The following PARN variants were observed in gnomAD, a reference collection of about 807,000 sequenced individuals.
The protein encoded by PARN is poly(A)-specific ribonuclease, also known as poly(A)-specific ribonuclease PARN.
Under a neutral mutation model 102.8 loss-of-function variants are expected in PARN, and 71 were observed. The ratio of observed to expected loss-of-function variants is 0.69; its 90% CI spans 0.57 to 0.84. The LOEUF is 0.84. PARN is among the 40% of genes least tolerant of loss of function. The pLI is 0.00. For synonymous variants in PARN, 261 were observed against 252.9 expected (o/e 1.03, Z -0.30); for missense variants, 782 against 760.9 (o/e 1.03, Z -0.33).
At chr16:14,630,048 C>G in intron 1 of PARN, 59 bp downstream of exon 1, 1 of 1,482,436 alleles carries the variant, frequency 6.7e-7, no homozygotes, top group Non-Finnish European at 9.2e-7. Context: ...TGGTCTCGGC[C>G]TAGCAGGCCA....
At chr16:14,562,711 T>TG (rs1180372308) in intron 18 of PARN, among the ~76,000 whole-genome samples, 1 of 151,190 alleles carries the variant, frequency 6.6e-6, no homozygotes, top group Non-Finnish European at 1.5e-5. Flanking sequence ...AAGTCTAACC[T>TG]GTTTCTGTGA....
At chr16:14,599,037 C>CTTTTTTTTT (rs71150194) in intron 12 of PARN, among the ~76,000 whole-genome samples, 1 of 81,462 alleles carries the variant, frequency 1.2e-5, no homozygotes, top group Non-Finnish European at 2.3e-5. Flanking sequence ...TTCTCCTCTT[C>CTTTTTTTTT]TTTTTTTTTT....
At chr16:14,627,985 G>A (rs1189544844) in intron 3 of PARN, among the ~76,000 whole-genome samples, 187 bp downstream of exon 3, 1 of 152,110 alleles carries the variant, frequency 6.6e-6, no homozygotes. Flanking sequence ...CCCAGCCTGG[G>A]TGACAGAGCG....
chr16:14,621,012 G>T (rs960724548), intron 5 of PARN, among the ~76,000 whole-genome samples: 1 of 152,094 alleles, frequency 6.6e-6, no homozygotes, highest in Non-Finnish European at 1.5e-5. Context: ...GAAATGGTGA[G>T]ATATAAAAAG....
At chr16:14,450,597 C>T (rs942185371) in intron 22 of PARN, among the ~76,000 whole-genome samples, 3 of 151,850 alleles carry the variant, frequency 2.0e-5, no homozygotes, top group African/African-American at 7.3e-5. Context: ...CACAAAATTC[C>T]CAGCTCTGTC....
intron 21 of PARN, among the ~76,000 whole-genome samples, chr16:14,515,165 T>C (rs895774007): frequency 2.0e-5 from 3 of 152,178 alleles, no homozygotes; most frequent in Non-Finnish European, 4.4e-5. Flanking sequence ...GCCTTTGAGA[T>C]GGGATCTTGC....
chr16:14,485,698 T>G (rs1963636885), intron 21 of PARN, among the ~76,000 whole-genome samples: 1 of 152,122 alleles, frequency 6.6e-6, no homozygotes, highest in South Asian at 2.1e-4. Flanking sequence ...ATTAATATAT[T>G]TATTTATTTG....
intron 21 of PARN, among the ~76,000 whole-genome samples, chr16:14,531,999 G>A (rs1966362645): frequency 6.6e-6 from 1 of 151,926 alleles, no homozygotes; most frequent in African/African-American, 2.4e-5. Flanking sequence ...GGAGTTCGAG[G>A]CTGCAGTGAG....
At chr16:14,600,192 C>G (rs1003822867) in intron 11 of PARN, among the ~76,000 whole-genome samples, 3 of 152,102 alleles carry the variant, frequency 2.0e-5, no homozygotes, top group Non-Finnish European at 4.4e-5. Flanking sequence ...TCATTAGTTA[C>G]TAAAAGAACA....
Position 14,536,404 on chromosome 16 carries a change from A to C in PARN, c.1480+15617T>G, listed in dbSNP as rs532206150. On this transcript the variant is annotated intron_variant, in intron 21 of 23. Coordinates refer to ENST00000437198, the MANE Select transcript of PARN (RefSeq NM_002582.4). ...AAAAGCCTCAGAAATAAGGATCCTT[A>C]TATTTAGTTTCTCAGTGGCCGAAGA... is the stretch of plus-strand genomic sequence containing the variant. Among the ~76,000 whole-genome samples, 5 of 152,326 alleles carry C rather than the reference A, an allele frequency of 3.3e-5. No individual in the cohort carries two copies. In the East Asian group the frequency reaches 9.6e-4, roughly 29 times the overall value.
chr16:14,506,587 C>A (rs1964905094), intron 21 of PARN, among the ~76,000 whole-genome samples: 1 of 152,228 alleles, frequency 6.6e-6, no homozygotes, highest in African/African-American at 2.4e-5. Context: ...TATACATGTT[C>A]ACATATGTAC....
intron 22 of PARN, among the ~76,000 whole-genome samples, chr16:14,478,551 ACT>A (rs1362374421): frequency 6.6e-6 from 1 of 151,982 alleles, no homozygotes; most frequent in African/African-American, 2.4e-5. Flanking sequence ...AGGGATATCC[ACT>A]CTCTCTATTT....
chr16:14,501,570 G>C (rs1964623573), intron 21 of PARN: 1 of 151,854 alleles, frequency 6.6e-6, no homozygotes, highest in Non-Finnish European at 1.5e-5. Context: ...TGATGTGGTT[G>C]GCCAACAGCT....
At chr16:14,447,140 T>A in intron 22 of PARN, 59 bp from the exon 23 acceptor site, 1 of 1,166,722 alleles carries the variant, frequency 8.6e-7, no homozygotes, top group Non-Finnish European at 1.2e-6. Flanking sequence ...AAGACTAGTC[T>A]ATAAAAATAT....
chr16:14,493,239 G>C (rs1964146636), intron 21 of PARN, among the ~76,000 whole-genome samples: 1 of 151,896 alleles, frequency 6.6e-6, no homozygotes, highest in African/African-American at 2.4e-5. Context: ...TTTGAGACAG[G>C]GTCTCTCGCT....
Position 14,447,070 on chromosome 16 carries a change from G to C in PARN, c.1682C>G (p.Pro561Arg). Reference protein sequence around the residue: ...HYYRNNSFTAPSTVGKRNLSP... With the variant: ...HYYRNNSFTARSTVGKRNLSP... ...CAAATTTCTCTTTCCTACTGTGCTG[G>C]GAGCTGTAAAACTGAAATGCAAAAA... The change falls in exon 23 of 24, where the codon CCC becomes CGC. Residue 561 changes from proline (P) to arginine (R), a missense_variant. By Grantham distance (103) the Pro-to-Arg change is moderately radical (BLOSUM62 -2). Transcript: ENST00000437198. 2 of 1,611,628 alleles carry C rather than the reference G, an allele frequency of 1.2e-6. No homozygotes were observed. The highest frequency in any genetic ancestry group is 1.7e-6 in the Non-Finnish European group (2 of 1,179,026).
intron 18 of PARN, among the ~76,000 whole-genome samples, chr16:14,575,435 A>G (rs1459389706): frequency 2.0e-5 from 3 of 152,222 alleles, no homozygotes; most frequent in Non-Finnish European, 4.4e-5. Context: ...TGAGACATGG[A>G]GTCAAAGGAG....
At chr16:14,471,016 T>G (rs1962707763) in intron 22 of PARN, among the ~76,000 whole-genome samples, 1 of 152,074 alleles carries the variant, frequency 6.6e-6, no homozygotes, top group Admixed American at 6.6e-5. Flanking sequence ...AAGCTGTCCT[T>G]AAGCAATCCT....
intron 3 of PARN, among the ~76,000 whole-genome samples, chr16:14,627,721 C>T (rs1472166126): frequency 1.3e-5 from 2 of 152,132 alleles, no homozygotes; most frequent in Non-Finnish European, 2.9e-5. Context: ...GGTGTGGTGG[C>T]TCACACCTGT....
Sources: gnomAD v4.1 joint callset for allele counts (sites outside exome capture counted in the v4.1 genomes callset) on GRCh38, gnomAD v4.1.1 for gene constraint, MANE v1.5 for transcripts, NCBI Gene and HGNC (gene_info 2026-07-23, HGNC 2026-07-21) for gene names.